The following IZUMO1 variants were observed in gnomAD, a reference collection of about 807,000 sequenced individuals.
IZUMO1 encodes izumo sperm-oocyte fusion 1.
Under a neutral mutation model 40.7 loss-of-function variants are expected in IZUMO1, and 44 were observed. The observed-to-expected ratio is 1.08, with a 90% CI of 0.85 to 1.39. The LOEUF (loss-of-function observed/expected upper bound fraction) is 1.39, where lower values mean the gene tolerates loss of function less well. IZUMO1 is among the 40% of genes most tolerant of loss of function. The pLI, the probability that IZUMO1 is intolerant of heterozygous loss-of-function variation, is 0.00. For missense variants in IZUMO1, 368 were observed against 436.9 expected (o/e 0.84, Z 1.41); for synonymous variants, 149 against 170.9 (o/e 0.87, Z 1.00).
chr19:48,744,379 T>C, intron 4 of IZUMO1, 74 bp downstream of exon 4: 1 of 1,309,740 alleles, frequency 7.6e-7, no homozygotes, highest in South Asian at 1.2e-5. Flanking sequence ...CTTGGAGAAG[T>C]AAGGGGCTGG....
chr19:48,742,725 C>T (rs1320341929), intron 6 of IZUMO1, among the ~76,000 whole-genome samples: 2 of 93,510 alleles, frequency 2.1e-5, no homozygotes, highest in South Asian at 4.5e-4. Context: ...TTCTCTCTCT[C>T]TTTTTTTTTT....
Position 48,741,724 on chromosome 19 carries a change from C to A in IZUMO1, c.754+65G>T, listed in dbSNP as rs1420078073. 6.7e-7 allele frequency: 1 copy of A among 1,495,170 alleles called. No homozygotes were observed. The highest frequency in any genetic ancestry group is 1.4e-5 in the African/African-American group (1 of 71,154). The allele number at this position is 1,495,170 out of a possible 1,614,324, so 92.6% of individuals were successfully genotyped here. A position where few individuals can be genotyped will look rare whatever the true frequency, so the allele number is the denominator to read the frequency against. On this transcript the variant is annotated intron_variant, in intron 8 of 9. Transcript: ENST00000332955. This position sits in a 1 kb window ranked among gnomAD's most constrained non-coding sequence, Gnocchi z 4.4. Reference sequence around the variant, plus strand: ...CGCCCCCATCGCCAAGGCCACGCCCCCGCCGCGGACCCCAGCTTTCCTGGG... The same window carrying A: ...CGCCCCCATCGCCAAGGCCACGCCCACGCCGCGGACCCCAGCTTTCCTGGG...
At chr19:48,743,726 C>A (rs2033793073) in intron 5 of IZUMO1, 1 of 594,568 alleles carries the variant, frequency 1.7e-6, no homozygotes, top group Non-Finnish European at 3.0e-6. Flanking sequence ...GATGCGGTGG[C>A]TTACTCCTGT....
At chr19:48,744,125 T>G in intron 5 of IZUMO1, 50 bp downstream of exon 5, 1 of 1,571,144 alleles carries the variant, frequency 6.4e-7, no homozygotes, top group South Asian at 1.1e-5. Flanking sequence ...GTGGGGAGGT[T>G]GACTATTCAG....
In IZUMO1 at chr19:48,745,304, T is replaced by TA. The variant is rs763038410; in HGVS notation, c.236-17dup. On this transcript the variant is annotated splice_polypyrimidine_tract_variant and intron_variant, in intron 2 of 9. Transcript: ENST00000332955. ...GTGGCCTCATCTGTCAGAGGAGATA[T>TA]AACCCCAGATTCCAGCCTTACTGTC... 1.7e-5 allele frequency: 28 copies of TA among 1,608,156 alleles called. No homozygotes were observed. The East Asian group carries it at 6.0e-4, about 35-fold the overall frequency.
rs2033815388 is a variant in IZUMO1, at chr19:48,744,395, A to G, written c.397+58T>C. The G allele has an allele frequency of 2.2e-6, 3 of 1,386,470 alleles. No individual in the cohort carries two copies. In the South Asian group the frequency reaches 3.5e-5, roughly 16 times the overall value. The allele number at this position is 1,386,470 out of a possible 1,614,324, so 85.9% of individuals were successfully genotyped here. On this transcript the variant is annotated intron_variant, in intron 4 of 9. Coordinates refer to ENST00000332955, the MANE Select transcript of IZUMO1 (RefSeq NM_182575.3). ...TTGGAGAAGTAAGGGGCTGGAGACA[A>G]GGACTCTTGGATAGTGGAAAGAGGA... is the stretch of plus-strand genomic sequence containing the variant.
At position 48,741,844 on chromosome 19, in the gene IZUMO1, G is replaced by T. The variant is rs1413677158; in HGVS notation, c.699C>A (p.Cys233Ter). The change falls in exon 8 of 10, where the codon TGC (cysteine) becomes TGA (stop). Residue 233 changes from cysteine to a stop codon, truncating the protein, a stop_gained. Transcript: ENST00000332955. LOFTEE classifies it high-confidence loss of function. This position sits in a 1 kb window ranked among gnomAD's most constrained non-coding sequence, Gnocchi z 4.4. ...GGCTGGAATTCACAGAGCCCAGCTC[G>T]CAGCGGTAGCTGCCTGCATCCTCTG... ...VGPEDAGSYR[C>*]ELGSVNSSPA... The T allele has an allele frequency of 1.9e-6, 3 of 1,610,418 alleles. No homozygotes were observed. The highest frequency in any genetic ancestry group is 2.7e-5 in the African/African-American group (2 of 74,992).
At chr19:48,743,416 A>C in intron 6 of IZUMO1, 29 bp downstream of exon 6, 1 of 1,612,962 alleles carries the variant, frequency 6.2e-7, no homozygotes. Context: ...ACCTGCACCA[A>C]TTCCTCCTGC....
At chr19:48,743,423 C>T in intron 6 of IZUMO1, 22 bp downstream of exon 6, 1 of 1,613,568 alleles carries the variant, frequency 6.2e-7, no homozygotes, top group Non-Finnish European at 8.5e-7. Context: ...CCAATTCCTC[C>T]TGCTGGGTCC....
At chr19:48,743,216 T>C in intron 6 of IZUMO1, 1 of 555,082 alleles carries the variant, frequency 1.8e-6, no homozygotes, top group Non-Finnish European at 3.2e-6. Context: ...TTTGTAGAGA[T>C]AGAGTCTCGC....
rs2033782866 is a variant in IZUMO1 at position 48,743,452 on chromosome 19, A to G, written c.492T>C (p.Asp164=). 1 of 1,613,948 alleles carries G rather than the reference A, an allele frequency of 6.2e-7. No homozygotes were observed. The highest frequency in any genetic ancestry group is 2.2e-5 in the East Asian group (1 of 44,886). Reference sequence around the variant, plus strand: ...TGGGTCCAGTTCTCTCACCCCCGCAATCGTAGGACTTTCGACAAGCGTGAA... The same window carrying G: ...TGGGTCCAGTTCTCTCACCCCCGCAGTCGTAGGACTTTCGACAAGCGTGAA... ...KEVHACRKSY[D]CGERNVEVPQ... The change falls in exon 6 of 10, where the codon GAT becomes GAC. Residue 164 remains aspartate, a synonymous_variant. Transcript: ENST00000332955.
intron 5 of IZUMO1, 193 bp downstream of exon 5, chr19:48,743,982 C>T (rs893957306): frequency 3.2e-6 from 2 of 630,196 alleles, no homozygotes; most frequent in African/African-American, 3.7e-5. Context: ...CAGGGTGAGA[C>T]TGTCTCAAAA....
At chr19:48,744,259 G>A (rs2033810957) in intron 4 of IZUMO1, 64 bp from the exon 5 acceptor site, 1 of 1,521,982 alleles carries the variant, frequency 6.6e-7, no homozygotes, top group African/African-American at 1.4e-5. Context: ...CTAAATGAAA[G>A]ACGATGGAAG....
chr19:48,743,605 C>T (rs1272593191), intron 5 of IZUMO1, 80 bp from the exon 6 acceptor site: 5 of 1,124,604 alleles, frequency 4.4e-6, no homozygotes, highest in Non-Finnish European at 6.8e-6. Context: ...AGGGCTGGGG[C>T]CAGATCATCT....
At chr19:48,745,341 C>T in intron 2 of IZUMO1, 53 bp from the exon 3 acceptor site, 1 of 1,520,338 alleles carries the variant, frequency 6.6e-7, no homozygotes, top group East Asian at 2.3e-5. Context: ...CATTGGCGCG[C>T]CTAATCTTAG....
chr19:48,745,489 G>T, intron 2 of IZUMO1, 136 bp downstream of exon 2: 3 of 1,155,236 alleles, frequency 2.6e-6, no homozygotes, highest in South Asian at 1.4e-5. Context: ...TACTAGCCTC[G>T]GGGAACCTCG....
rs1181011140 is a variant in IZUMO1, at chr19:48,741,917, A to T, written c.626T>A (p.Leu209Ter). 4 of 1,610,004 alleles carry T rather than the reference A, an allele frequency of 2.5e-6. 1 individual carries two copies. In the Admixed American group the frequency reaches 6.7e-5, roughly 27 times the overall value. ...GGTGGCCTCTTTCCCCTTGGACACC[A>T]AGGTCTCCGTATTGTTCCCCCAAAC... Reference protein sequence around the residue: ...YRVWGNNTETLVSKGKEATLT... With the variant: ...YRVWGNNTET The change falls in exon 8 of 10, where the codon TTG becomes TAG. Residue 209 changes from leucine to a stop codon, truncating the protein, a stop_gained. Transcript: ENST00000332955. LOFTEE classifies it high-confidence loss of function. The surrounding 1 kb of genome is among the most constrained non-coding windows in gnomAD (Gnocchi z 4.4).
intron 4 of IZUMO1, 27 bp from the exon 5 acceptor site, chr19:48,744,222 C>G (rs1296560980): frequency 1.9e-6 from 3 of 1,608,452 alleles, no homozygotes; most frequent in African/African-American, 2.7e-5. Context: ...AAAAAGAGAG[C>G]AAGAAAGAGA....
chr19:48,745,373 C>G, intron 2 of IZUMO1, 85 bp from the exon 3 acceptor site: 1 of 1,285,520 alleles, frequency 7.8e-7, no homozygotes, highest in African/African-American at 1.5e-5. Flanking sequence ...CCCATGAGGC[C>G]ACTGGGCAAA....
Sources: allele counts gnomAD v4.1 joint callset (sites outside exome capture counted in the v4.1 genomes callset), GRCh38; gene constraint gnomAD v4.1.1; non-coding constraint Gnocchi (gnomAD v3.1); transcripts MANE v1.5; gene names NCBI Gene and HGNC (gene_info 2026-07-23, HGNC 2026-07-21).